The following ENPP6 variants were observed in gnomAD, a reference collection of about 807,000 sequenced individuals.
ENPP6 encodes glycerophosphocholine cholinephosphodiesterase ENPP6.
A neutral mutation model predicts 42.0 loss-of-function variants in ENPP6; 32 were observed. That is an observed-to-expected ratio of 0.76 (90% CI 0.58 to 1.02). The LOEUF (loss-of-function observed/expected upper bound fraction) is 1.02, where lower values mean the gene tolerates loss of function less well. ENPP6 is among the 50% of genes least tolerant of loss of function. ENPP6 has a pLI of 0.00. For missense variants in ENPP6, 552 were observed against 566.8 expected (o/e 0.97, Z 0.27); for synonymous variants, 213 against 216.0 (o/e 0.99, Z 0.12).
chr4:184,148,909 T>C (rs1006015647), intron 2 of ENPP6, among the ~76,000 whole-genome samples: 1 of 152,218 alleles, frequency 6.6e-6, no homozygotes, highest in Non-Finnish European at 1.5e-5. Flanking sequence ...AGTGTGAGTG[T>C]AGTGGATGTG....
chr4:184,102,657 G>A (rs964404588), intron 6 of ENPP6, among the ~76,000 whole-genome samples: 7 of 152,294 alleles, frequency 4.6e-5, no homozygotes, highest in Admixed American at 3.3e-4. Flanking sequence ...ATCCCTCCCC[G>A]AGCAGAGGCG....
intron 1 of ENPP6, among the ~76,000 whole-genome samples, chr4:184,207,902 C>T (rs1036628656): frequency 1.3e-5 from 2 of 152,212 alleles, no homozygotes; most frequent in African/African-American, 2.4e-5. Flanking sequence ...CTGCGAGGGC[C>T]GCCTTGCTGT....
intron 1 of ENPP6, among the ~76,000 whole-genome samples, chr4:184,205,435 C>T (rs1460490135): frequency 6.6e-6 from 1 of 152,224 alleles, no homozygotes; most frequent in Non-Finnish European, 1.5e-5. Flanking sequence ...AGGGAAGCAG[C>T]CAGGAGGAGC....
At chr4:184,180,071 A>G (rs1302721544) in intron 1 of ENPP6, among the ~76,000 whole-genome samples, 2 of 142,004 alleles carry the variant, frequency 1.4e-5, no homozygotes, top group South Asian at 2.5e-4. Context: ...CAAAAAATCA[A>G]CGAATCCAGG....
At chr4:184,100,764 T>C (rs541620717) in intron 6 of ENPP6, among the ~76,000 whole-genome samples, 4 of 152,102 alleles carry the variant, frequency 2.6e-5, no homozygotes, top group African/African-American at 9.6e-5. Context: ...TCCCAGGCGA[T>C]GGTGGAACGT....
intron 1 of ENPP6, among the ~76,000 whole-genome samples, chr4:184,198,713 A>T (rs1732842810): frequency 1.3e-5 from 2 of 152,244 alleles, no homozygotes; most frequent in Non-Finnish European, 2.9e-5. Context: ...TCAATATTGA[A>T]CAAAATGTCT....
At chr4:184,167,081 T>A (rs1026324870) in intron 1 of ENPP6, among the ~76,000 whole-genome samples, 3 of 152,114 alleles carry the variant, frequency 2.0e-5, no homozygotes, top group Non-Finnish European at 4.4e-5. Flanking sequence ...GATAGGAAAT[T>A]TAACTCAGTA....
At chr4:184,187,043 A>G (rs1363631596) in intron 1 of ENPP6, among the ~76,000 whole-genome samples, 1 of 152,212 alleles carries the variant, frequency 6.6e-6, no homozygotes, top group Non-Finnish European at 1.5e-5. Flanking sequence ...GAAATGTGTT[A>G]AGAAAGCACT....
intron 6 of ENPP6, among the ~76,000 whole-genome samples, chr4:184,099,703 G>T (rs537869255): frequency 6.6e-6 from 1 of 152,136 alleles, no homozygotes; most frequent in South Asian, 2.1e-4. Flanking sequence ...CGCATCCCTC[G>T]TCCCTCCTTC....
chr4:184,131,259 TCTTCCTTCCTTCCTTCC>T (rs1159311708), intron 2 of ENPP6, among the ~76,000 whole-genome samples: 6 of 73,280 alleles, frequency 8.2e-5, no homozygotes, highest in African/African-American at 3.3e-4. Context: ...TTTCTCTTTC[TCTTCCTTCCTTCCTTCC>T]TTCCTTCCTT....
intron 1 of ENPP6, among the ~76,000 whole-genome samples, chr4:184,205,066 G>T (rs529181943): frequency 5.3e-5 from 8 of 152,194 alleles, no homozygotes; most frequent in African/African-American, 1.9e-4. Flanking sequence ...AAGTAGCTGG[G>T]ATTATGGCAC....
Position 184,090,443 on chromosome 4 carries a change from C to T in ENPP6, c.*734G>A, listed in dbSNP as rs1436247038. 1 of 152,308 alleles carries T rather than the reference C, an allele frequency of 6.6e-6. No homozygotes were observed. The highest frequency in any genetic ancestry group is 1.5e-5 in the Non-Finnish European group (1 of 68,066). The allele number at this position is 152,308 out of a possible 1,614,324, so 9.4% of individuals were successfully genotyped here. Reference sequence around the variant, plus strand: ...GATACACTATGTGTGATAAGTCTCACAGAAGCCCATGTCCATCAGAAGCTT... The same window carrying T: ...GATACACTATGTGTGATAAGTCTCATAGAAGCCCATGTCCATCAGAAGCTT... On this transcript the variant is annotated 3_prime_UTR_variant, in exon 8 of 8. Coordinates refer to ENST00000296741, the MANE Select transcript of ENPP6 (RefSeq NM_153343.4).
At chr4:184,175,257 C>T (rs1365814729) in intron 1 of ENPP6, among the ~76,000 whole-genome samples, 1 of 152,156 alleles carries the variant, frequency 6.6e-6, no homozygotes, top group Non-Finnish European at 1.5e-5. Context: ...AACCAGCAAG[C>T]CCATACACAT....
chr4:184,214,243 T>TAAAAAAAAAG (rs1554000815), intron 1 of ENPP6, among the ~76,000 whole-genome samples: 1 of 142,762 alleles, frequency 7.0e-6, no homozygotes, highest in South Asian at 2.2e-4. Context: ...AGTATAATAA[T>TAAAAAAAAAG]AAAAAAAAAA....
chr4:184,146,016 T>C (rs911693629), intron 2 of ENPP6, among the ~76,000 whole-genome samples: 1 of 121,846 alleles, frequency 8.2e-6, no homozygotes, highest in Non-Finnish European at 1.9e-5. Flanking sequence ...TTTAAGTTTT[T>C]CTTTTTCTTT....
chr4:184,164,957 C>T (rs1351598908), intron 1 of ENPP6, among the ~76,000 whole-genome samples: 2 of 152,156 alleles, frequency 1.3e-5, no homozygotes, highest in Non-Finnish European at 2.9e-5. Flanking sequence ...ACGCGATTCC[C>T]AGCACTCAGG....
chr4:184,100,400 C>T (rs774278999), intron 6 of ENPP6, among the ~76,000 whole-genome samples: 8 of 152,238 alleles, frequency 5.3e-5, no homozygotes, highest in Non-Finnish European at 8.8e-5. Context: ...GAATGTCCAT[C>T]TGTGGATCCG....
chr4:184,128,475 C>T (rs894846702), intron 2 of ENPP6, among the ~76,000 whole-genome samples: 1 of 152,134 alleles, frequency 6.6e-6, no homozygotes, highest in Non-Finnish European at 1.5e-5. Flanking sequence ...GCCACCATGC[C>T]TGGGCAGTTA....
At chr4:184,120,888 A>G (rs1488259538) in intron 3 of ENPP6, among the ~76,000 whole-genome samples, 1 of 152,076 alleles carries the variant, frequency 6.6e-6, no homozygotes, top group Non-Finnish European at 1.5e-5. Flanking sequence ...AGATCAGGGT[A>G]GAGGACTGAG....
Sources: allele counts gnomAD v4.1 joint callset (sites outside exome capture counted in the v4.1 genomes callset), GRCh38; gene constraint gnomAD v4.1.1; transcripts MANE v1.5; gene names NCBI Gene and HGNC (gene_info 2026-07-23, HGNC 2026-07-21).